The following PLEKHA8 variants were observed in gnomAD, a reference collection of about 807,000 sequenced individuals.
PLEKHA8 encodes the protein pleckstrin homology domain containing A8.
Under a neutral mutation model 68.2 loss-of-function variants are expected in PLEKHA8, and 36 were observed. The observed-to-expected ratio is 0.53, with a 90% CI of 0.40 to 0.70. PLEKHA8 has a LOEUF of 0.70. PLEKHA8 is among the 30% of genes least tolerant of loss of function. The pLI, the probability that PLEKHA8 is intolerant of heterozygous loss-of-function variation, is 0.00. For missense variants in PLEKHA8, 505 were observed against 615.4 expected (o/e 0.82, Z 1.90); for synonymous variants, 211 against 216.1 (o/e 0.98, Z 0.20).
At chr7:30,031,686 C>T (rs757303500) in intron 1 of PLEKHA8, among the ~76,000 whole-genome samples, 20 of 152,288 alleles carry the variant, frequency 1.3e-4, no homozygotes, top group Non-Finnish European at 2.5e-4. Flanking sequence ...TGTTTAAAAG[C>T]TTACTCTGGC....
chr7:30,120,226 CAAATT>C (rs1192114844), intron 13 of PLEKHA8, among the ~76,000 whole-genome samples: 3 of 147,406 alleles, frequency 2.0e-5, no homozygotes, highest in African/African-American at 7.5e-5. Flanking sequence ...AAACTTTAGA[CAAATT>C]AAATTTAACA....
At chr7:30,073,681 G>A (rs931768617) in intron 12 of PLEKHA8, among the ~76,000 whole-genome samples, 2 of 149,694 alleles carry the variant, frequency 1.3e-5, no homozygotes, top group Admixed American at 6.7e-5. Flanking sequence ...CAATAGTATC[G>A]TGCTACTATG....
rs559668008 is a variant in PLEKHA8, at chr7:30,047,088, A to G, written c.313+723A>G. Among the ~76,000 whole-genome samples the G allele has an allele frequency of 3.9e-5, 6 of 152,342 alleles. No homozygotes were observed. The East Asian group carries it at 9.6e-4, about 24-fold the overall frequency. The stretch of plus-strand genomic sequence containing the variant: ...AAAAGTGTTCCAGGGAACATCTCTC[A>G]TGACAGGTGTGGCAGTTGTGCTTAA... On this transcript the variant is annotated intron_variant, in intron 3 of 13. Transcript: ENST00000449726.
intron 12 of PLEKHA8, among the ~76,000 whole-genome samples, chr7:30,063,453 A>G (rs895885402): frequency 6.6e-6 from 1 of 152,208 alleles, no homozygotes; most frequent in Non-Finnish European, 1.5e-5. Context: ...CCATTGATCT[A>G]TAGGAAATTC....
At chr7:30,045,045 C>T (rs746479672) in intron 1 of PLEKHA8, 40 bp from the exon 2 acceptor site, 20 of 1,410,240 alleles carry the variant, frequency 1.4e-5, no homozygotes, top group Admixed American at 7.3e-5. Context: ...AGTTCATACA[C>T]AGGCAGTAAT....
intron 1 of PLEKHA8, among the ~76,000 whole-genome samples, chr7:30,036,848 T>A (rs1330286380): frequency 6.6e-6 from 1 of 152,220 alleles, no homozygotes; most frequent in African/African-American, 2.4e-5. Context: ...AATGGTAAAT[T>A]AAGAAGCCTA....
Position 30,084,326 on chromosome 7 carries a change from A to G in PLEKHA8, c.*5539A>G, listed in dbSNP as rs1407101939. 3 of 985,248 alleles carry G rather than the reference A, an allele frequency of 3.0e-6. No homozygotes were observed. The highest frequency in any genetic ancestry group is 3.6e-6 in the Non-Finnish European group (3 of 829,890). The allele number at this position is 985,248 out of a possible 1,614,324, so 61.0% of individuals were successfully genotyped here. A position where few individuals can be genotyped will look rare whatever the true frequency, so the allele number is the denominator to read the frequency against. On this transcript the variant is annotated 3_prime_UTR_variant, in exon 14 of 14. Transcript: ENST00000449726. ...TGAATATCTGTCACGTGCAGTGTTA[A>G]TGTTACCTGTTCTTGTCTCTCAGCA...
intron 1 of PLEKHA8, among the ~76,000 whole-genome samples, chr7:30,035,357 C>G (rs996971899): frequency 3.3e-5 from 5 of 152,310 alleles, no homozygotes; most frequent in South Asian, 2.1e-4. Context: ...GTCAGACACT[C>G]TGCAGACATG....
intron 13 of PLEKHA8, among the ~76,000 whole-genome samples, chr7:30,098,827 C>T (rs1316818384): frequency 6.6e-6 from 1 of 152,244 alleles, no homozygotes. Context: ...TGGTGCGCTG[C>T]ACCCACTGTC....
At chr7:30,028,950 T>C in intron 1 of PLEKHA8, 148 bp downstream of exon 1, 1 of 953,294 alleles carries the variant, frequency 1.0e-6, no homozygotes. Flanking sequence ...AAAGCAGTTC[T>C]CTCACGGGAC....
chr7:30,050,698 A>ATAC, intron 6 of PLEKHA8: 1 of 446,016 alleles, frequency 2.2e-6, no homozygotes, highest in Non-Finnish European at 3.7e-6. Flanking sequence ...TTTCCCTAAG[A>ATAC]TGGATCTCAC....
Position 30,054,798 on chromosome 7 carries a change from T to G in PLEKHA8, c.886T>G (p.Ser296Ala). 6.2e-7 allele frequency: 1 copy of G among 1,612,368 alleles called. No individual in the cohort carries two copies. Among genetic ancestry groups the G allele is most frequent in the Middle Eastern group, 1.6e-4 (1 of 6,062 alleles). ...TCAGTCTGGATCAGACTCAAGTTGCTCTCCGGAATGCCTCTGGGAGGAAGG... is the reference window on the plus strand; with the variant it reads ...TCAGTCTGGATCAGACTCAAGTTGCGCTCCGGAATGCCTCTGGGAGGAAGG... Reference protein sequence around the residue: ...LTQSGSDSSCSPECLWEEGKE... With the variant: ...LTQSGSDSSCAPECLWEEGKE... The change falls in exon 8 of 14, where the codon TCT becomes GCT. Residue 296 changes from serine (S) to alanine (A), a missense_variant. By Grantham distance (99) the Ser-to-Ala change is moderately conservative. Transcript: ENST00000449726.
intron 13 of PLEKHA8, 147 bp from the exon 14 acceptor site, chr7:30,078,443 A>G: frequency 1.2e-6 from 1 of 831,664 alleles, no homozygotes; most frequent in Non-Finnish European, 1.9e-6. Context: ...GAAGCCACAA[A>G]TTAGAAGGGT....
At position 30,079,413 on chromosome 7, in the gene PLEKHA8, C is replaced by T; in HGVS notation, c.*626C>T. On this transcript the variant is annotated 3_prime_UTR_variant, in exon 14 of 14. Transcript: ENST00000449726. ...CTTGCTGACAGGCATGAAACCGTTGCTCTGAGAAGATTAATGGTGTGCCCT... is the reference window on the plus strand; with the variant it reads ...CTTGCTGACAGGCATGAAACCGTTGTTCTGAGAAGATTAATGGTGTGCCCT... 4.1e-6 allele frequency: 4 copies of T among 985,662 alleles called. No individual in the cohort carries two copies. Among genetic ancestry groups the T allele is most frequent in the Non-Finnish European group, 4.8e-6 (4 of 830,194 alleles). 61.1% of individuals were successfully genotyped at this position (985,662 alleles called of 1,614,324 possible). A position where few individuals can be genotyped will look rare whatever the true frequency, so the allele number is the denominator to read the frequency against.
intron 13 of PLEKHA8, among the ~76,000 whole-genome samples, chr7:30,120,863 G>A (rs56126559): frequency 0.017 from 2,537 of 152,326 alleles, 54 homozygotes; most frequent in Non-Finnish European, 0.019. Context: ...GAATGATCAT[G>A]TAACTGATCA....
chr7:30,056,742 AGTGTGTGTGTGTGTG>A (rs1431355885), intron 9 of PLEKHA8, among the ~76,000 whole-genome samples: 17 of 74,782 alleles, frequency 2.3e-4, no homozygotes, highest in South Asian at 6.3e-4. Context: ...AAAAAAAAAA[AGTGTGTGTGTGTGTG>A]TGTGTGTGTG....
intron 1 of PLEKHA8, among the ~76,000 whole-genome samples, chr7:30,041,474 C>T (rs1209496817): frequency 1.4e-5 from 2 of 143,298 alleles, no homozygotes; most frequent in African/African-American, 5.2e-5. Context: ...GGCTGGAGTG[C>T]AGTGGCGTGA....
At chr7:30,100,989 A>G (rs1204428064) in intron 13 of PLEKHA8, among the ~76,000 whole-genome samples, 1 of 152,132 alleles carries the variant, frequency 6.6e-6, no homozygotes, top group African/African-American at 2.4e-5. Flanking sequence ...CAGGAGTTCA[A>G]CACCAGCCTG....
In PLEKHA8 at chr7:30,082,606, A is replaced by G. The variant is rs1486604719; in HGVS notation, c.*3819A>G. 8.1e-6 allele frequency: 8 copies of G among 985,054 alleles called. No individual in the cohort carries two copies. Among genetic ancestry groups the G allele is most frequent in the Non-Finnish European group, 8.4e-6 (7 of 829,686 alleles). 61.0% of individuals were successfully genotyped at this position (985,054 alleles called of 1,614,324 possible). On this transcript the variant is annotated 3_prime_UTR_variant, in exon 14 of 14. Coordinates refer to ENST00000449726, the MANE Select transcript of PLEKHA8 (RefSeq NM_001197026.2). Reference sequence around the variant, plus strand: ...TCCTTTTGGTTATTACTTTCCAAATATATTAACAAAAAGTTGATGCTTTTA... The same window carrying G: ...TCCTTTTGGTTATTACTTTCCAAATGTATTAACAAAAAGTTGATGCTTTTA...
Sources: allele counts gnomAD v4.1 joint callset (sites outside exome capture counted in the v4.1 genomes callset), GRCh38; gene constraint gnomAD v4.1.1; transcripts MANE v1.5; gene names NCBI Gene and HGNC (gene_info 2026-07-23, HGNC 2026-07-21).